The following TSPAN16 variants were observed in gnomAD, a reference collection of about 807,000 sequenced individuals.
TSPAN16 encodes tetraspanin 16, also known as tetraspanin-16.
Under a neutral mutation model 25.2 loss-of-function variants are expected in TSPAN16, and 23 were observed. That is an observed-to-expected ratio of 0.91 (90% CI 0.66 to 1.29). The LOEUF (loss-of-function observed/expected upper bound fraction) is 1.29, where lower values mean the gene tolerates loss of function less well. TSPAN16 is among the 50% of genes most tolerant of loss of function. The pLI, the probability that TSPAN16 is intolerant of heterozygous loss-of-function variation, is 0.00. For synonymous variants in TSPAN16, 123 were observed against 124.4 expected (o/e 0.99, Z 0.08); for missense variants, 272 against 299.9 (o/e 0.91, Z 0.69).
chr19:11,302,984 C>T (rs930754709), intron 4 of TSPAN16, among the ~76,000 whole-genome samples: 16 of 148,434 alleles, frequency 1.1e-4, no homozygotes, highest in African/African-American at 2.8e-4. Flanking sequence ...AGGTGAGGGG[C>T]GCCTCTGCCC....
At chr19:11,310,479 C>A (rs908938293) in intron 5 of TSPAN16, among the ~76,000 whole-genome samples, 2 of 148,886 alleles carry the variant, frequency 1.3e-5, no homozygotes, top group South Asian at 4.2e-4. Flanking sequence ...AGCGCCACTA[C>A]ACTCCAGCCT....
chr19:11,309,911 A>G (rs901520191), intron 5 of TSPAN16, among the ~76,000 whole-genome samples: 1 of 152,140 alleles, frequency 6.6e-6, no homozygotes, highest in Non-Finnish European at 1.5e-5. Context: ...GACCAGCCTG[A>G]ACAACATAGC....
At chr19:11,306,173 C>T (rs927214870) in intron 4 of TSPAN16, among the ~76,000 whole-genome samples, 9 of 152,078 alleles carry the variant, frequency 5.9e-5, no homozygotes, top group Non-Finnish European at 1.0e-4. Flanking sequence ...GAGACTGAGG[C>T]AGGAGAATCA....
intron 6 of TSPAN16, among the ~76,000 whole-genome samples, chr19:11,313,697 T>C (rs946128425): frequency 1.3e-5 from 2 of 152,172 alleles, no homozygotes; most frequent in Admixed American, 1.3e-4. Flanking sequence ...AAAAACACTT[T>C]ATTCTCACTA....
At chr19:11,313,409 A>G (rs184644005) in intron 6 of TSPAN16, among the ~76,000 whole-genome samples, 48 of 152,044 alleles carry the variant, frequency 3.2e-4, no homozygotes, top group African/African-American at 9.9e-4. Flanking sequence ...CTGAGATTAC[A>G]GCTGGGATTT....
chr19:11,325,899 C>T (rs1199623963), intron 6 of TSPAN16, among the ~76,000 whole-genome samples: 2 of 151,856 alleles, frequency 1.3e-5, no homozygotes, highest in African/African-American at 2.4e-5. Context: ...CATAGCAAGG[C>T]CCTATCTCTA....
At chr19:11,312,046 C>A in intron 5 of TSPAN16, 93 bp from the exon 6 acceptor site, 1 of 879,892 alleles carries the variant, frequency 1.1e-6, no homozygotes, top group Non-Finnish European at 1.8e-6. Context: ...ATCTGAGAGT[C>A]GTCTGAGTGG....
downstream of TSPAN16, among the ~76,000 whole-genome samples, chr19:11,317,662 T>C (rs1396325275): frequency 6.6e-6 from 1 of 151,694 alleles, no homozygotes; most frequent in African/African-American, 2.4e-5. Flanking sequence ...GCCTGGCTAA[T>C]ATTTGTATTT....
chr19:11,318,274 C>A (rs1427626499), downstream of TSPAN16, among the ~76,000 whole-genome samples: 1 of 152,080 alleles, frequency 6.6e-6, no homozygotes. Context: ...ATCCGCCCCC[C>A]TAGGCCTCCC....
downstream of TSPAN16, among the ~76,000 whole-genome samples, chr19:11,318,250 C>T (rs1005878165): frequency 6.6e-6 from 1 of 152,142 alleles, no homozygotes; most frequent in Non-Finnish European, 1.5e-5. Flanking sequence ...TGGTCTCGAT[C>T]TTCTGACCTC....
At chr19:11,324,044 TCA>T (rs1232303424) in intron 6 of TSPAN16, 4 of 152,004 alleles carry the variant, frequency 2.6e-5, no homozygotes, top group Non-Finnish European at 5.9e-5. Flanking sequence ...CCGGCACTGA[TCA>T]CAGTCCATCC....
At chr19:11,318,880 C>A (rs1489337774), downstream of TSPAN16, among the ~76,000 whole-genome samples, 1 of 152,000 alleles carries the variant, frequency 6.6e-6, no homozygotes. Flanking sequence ...CTCCTGACCT[C>A]AAGTGATCCT....
chr19:11,324,592 T>G (rs2080800356), intron 6 of TSPAN16: 1 of 152,222 alleles, frequency 6.6e-6, no homozygotes, highest in Non-Finnish European at 1.5e-5. Flanking sequence ...AGAGCCGGAG[T>G]GCTAGGGGTT....
At chr19:11,325,718 T>C (rs2080808815) in intron 6 of TSPAN16, 7 of 783,988 alleles carry the variant, frequency 8.9e-6, no homozygotes, top group Middle Eastern at 3.6e-4. Flanking sequence ...TGTGTGCCTT[T>C]GCCACTCCAA....
At chr19:11,311,136 CTTA>C (rs1409445769) in intron 5 of TSPAN16, among the ~76,000 whole-genome samples, 1 of 102,886 alleles carries the variant, frequency 9.7e-6, no homozygotes, top group Non-Finnish European at 2.1e-5. Context: ...CGTGCCCAGC[CTTA>C]TTAATTCTTT....
chr19:11,325,342 C>A, intron 6 of TSPAN16: 1 of 1,226,190 alleles, frequency 8.2e-7, no homozygotes, highest in Non-Finnish European at 1.1e-6. Context: ...GCTCACGCCT[C>A]GATCACAGTC....
intron 6 of TSPAN16, among the ~76,000 whole-genome samples, chr19:11,315,263 A>AATAATAATAAT (rs2080735374): frequency 7.6e-6 from 1 of 131,608 alleles, no homozygotes; most frequent in African/African-American, 3.6e-5. Flanking sequence ...TAATAATAAT[A>AATAATAATAAT]ATAATAATAA....
At chr19:11,316,266 T>C (rs1039901044), downstream of TSPAN16, among the ~76,000 whole-genome samples, 4 of 151,886 alleles carry the variant, frequency 2.6e-5, no homozygotes, top group Admixed American at 6.6e-5. Context: ...TTACAGGCAC[T>C]CGCTACCATG....
intron 6 of TSPAN16, chr19:11,325,396 C>G: frequency 6.5e-7 from 1 of 1,534,082 alleles, no homozygotes. Flanking sequence ...TGGGGGCCAT[C>G]TCTAGCAGCT....
Sources: allele counts gnomAD v4.1 joint callset (sites outside exome capture counted in the v4.1 genomes callset), GRCh38; gene constraint gnomAD v4.1.1; transcripts MANE v1.5; gene names NCBI Gene and HGNC (gene_info 2026-07-23, HGNC 2026-07-21).